The following COL16A1 variants were observed in gnomAD, a reference collection of about 807,000 sequenced individuals.
The protein encoded by COL16A1 is collagen alpha-1(XVI) chain.
In COL16A1, 189 loss-of-function variants were observed where a neutral mutation model predicts 266.3. The ratio of observed to expected loss-of-function variants is 0.71; its 90% CI spans 0.63 to 0.80. The LOEUF is 0.80. Ranked by LOEUF, COL16A1 falls within the 30% of genes least tolerant of loss-of-function variation. The pLI is 0.00. For synonymous variants in COL16A1, 740 were observed against 782.3 expected (o/e 0.95, Z 0.90); for missense variants, 1,928 against 2,122.4 (o/e 0.91, Z 1.80).
rs538838271 is a variant in COL16A1 at position 31,683,766 on chromosome 1, C to T, written c.2338-18G>A. On this transcript the variant is annotated intron_variant, in intron 33 of 70. Coordinates refer to ENST00000373672, the MANE Select transcript of COL16A1 (RefSeq NM_001856.4). ...GGCTCTCCCTGAAGAGGCAGAAGGA[C>T]AGTCCCTGGCTCGAGGTTCCCCAGT... The T allele has an allele frequency of 6.2e-6, 10 of 1,614,076 alleles. No homozygotes were observed. In the East Asian group the frequency reaches 2.2e-4, roughly 36 times the overall value.
chr1:31,670,572 AG>A lies in COL16A1; in HGVS notation c.3195+29del. 7.4e-7 allele frequency: 1 copy of A among 1,357,670 alleles called. No individual in the cohort carries two copies. Among genetic ancestry groups the A allele is most frequent in the Non-Finnish European group, 9.5e-7 (1 of 1,049,816 alleles). The allele number at this position is 1,357,670 out of a possible 1,614,324, so 84.1% of individuals were successfully genotyped here. On this transcript the variant is annotated intron_variant, in intron 49 of 70. Transcript: ENST00000373672. The surrounding 1 kb of genome is among the most constrained non-coding windows in gnomAD (Gnocchi z 4.5). ...CACAGAGACCTGGCTGACGGGGGGG[AG>A]GGGAGGTCGAGCAGCGCTAGGTTCT...
At chr1:31,653,534 G>T in intron 70 of COL16A1, 65 bp downstream of exon 70, 2 of 1,536,976 alleles carry the variant, frequency 1.3e-6, no homozygotes, top group Non-Finnish European at 1.8e-6. Flanking sequence ...TGTCATAGAA[G>T]AAACAGAAAG....
intron 1 of COL16A1, among the ~76,000 whole-genome samples, chr1:31,703,293 T>C (rs936629337): frequency 1.3e-5 from 2 of 152,154 alleles, no homozygotes; most frequent in Non-Finnish European, 2.9e-5. Flanking sequence ...CAATTTTCCT[T>C]CCCTCAATCA....
intron 44 of COL16A1, 152 bp from the exon 45 acceptor site, chr1:31,672,992 C>A (rs549516246): frequency 5.2e-6 from 4 of 768,304 alleles, no homozygotes; most frequent in Non-Finnish European, 8.9e-6. Flanking sequence ...CGCATCCCTG[C>A]GGCAGCTTTG....
rs951311106 is a variant in COL16A1 at position 31,664,848 on chromosome 1, A to T, written c.3555+324T>A. On this transcript the variant is annotated intron_variant, in intron 56 of 70. Transcript: ENST00000373672. This position sits in a 1 kb window ranked among gnomAD's most constrained non-coding sequence, Gnocchi z 5.5. ...ACGAAGGTGGCCTGGGCTGCCTATC[A>T]CATTCTACTCCTCCATCAGACCCCC... Among the ~76,000 whole-genome samples, 1 of 151,902 alleles carries T rather than the reference A, an allele frequency of 6.6e-6. No homozygotes were observed. Among genetic ancestry groups the T allele is most frequent in the African/African-American group, 2.4e-5 (1 of 41,366 alleles).
In COL16A1 at chr1:31,685,907, T is replaced by G; in HGVS notation, c.1885-137A>C. ...GGGTGAGGGGTTATCTTGGGAAAGATGAAGGGAGAACAGGAAAGAAACAAA... is the reference window on the plus strand; with the variant it reads ...GGGTGAGGGGTTATCTTGGGAAAGAGGAAGGGAGAACAGGAAAGAAACAAA... On this transcript the variant is annotated intron_variant, in intron 28 of 70. Coordinates refer to ENST00000373672, the MANE Select transcript of COL16A1 (RefSeq NM_001856.4). This position sits in a 1 kb window ranked among gnomAD's most constrained non-coding sequence, Gnocchi z 4.0. 6.6e-7 allele frequency: 1 copy of G among 1,507,588 alleles called. No individual in the cohort carries two copies. The highest frequency in any genetic ancestry group is 9.0e-7 in the Non-Finnish European group (1 of 1,112,582). 93.4% of individuals were successfully genotyped at this position (1,507,588 alleles called of 1,614,324 possible).
Position 31,662,315 on chromosome 1 carries a change from T to G in COL16A1, c.3681+19A>C. On this transcript the variant is annotated intron_variant, in intron 58 of 70. Coordinates refer to ENST00000373672, the MANE Select transcript of COL16A1 (RefSeq NM_001856.4). Reference sequence around the variant, plus strand: ...AAAGGAGAGGAAGGGGTGCCCGCCCTCCCAGCCCATCATCTCACCCTCAAG... The same window carrying G: ...AAAGGAGAGGAAGGGGTGCCCGCCCGCCCAGCCCATCATCTCACCCTCAAG... The G allele has an allele frequency of 1.6e-6, 2 of 1,252,800 alleles. No individual in the cohort carries two copies. Among genetic ancestry groups the G allele is most frequent in the Non-Finnish European group, 2.3e-6 (2 of 879,378 alleles). The allele number at this position is 1,252,800 out of a possible 1,614,324, so 77.6% of individuals were successfully genotyped here. A position where few individuals can be genotyped will look rare whatever the true frequency, so the allele number is the denominator to read the frequency against.
chr1:31,692,592 A>G lies in COL16A1; in HGVS notation c.1158+6T>C. On this transcript the variant is annotated splice_donor_region_variant and intron_variant, in intron 15 of 70. Coordinates refer to ENST00000373672, the MANE Select transcript of COL16A1 (RefSeq NM_001856.4). ...ATCCCTGCCCTATCCCTGGTCCCAC[A>G]CTCACCAGAGCTCCTGACTCCCCCT... 6.2e-7 allele frequency: 1 copy of G among 1,614,012 alleles called. No homozygotes were observed.
At chr1:31,671,559 G>C (rs994844912) in intron 48 of COL16A1, 56 bp downstream of exon 48, 1 of 1,609,370 alleles carries the variant, frequency 6.2e-7, no homozygotes, top group Non-Finnish European at 8.5e-7. Context: ...TGGTGTCTGA[G>C]TGTAATGACC....
rs1284784100 is a variant in COL16A1, at chr1:31,695,942, G to A, written c.918+146C>T. On this transcript the variant is annotated intron_variant, in intron 9 of 70. Transcript: ENST00000373672. ...CCCCCATCCGTCCTTCTTGATCAGA[G>A]CTGGCACCTACATGTCCTAAGCTCT... The A allele has an allele frequency of 1.3e-5, 13 of 984,364 alleles. No individual in the cohort carries two copies. The South Asian group carries it at 1.6e-4, about 12-fold the overall frequency. 61.0% of individuals were successfully genotyped at this position (984,364 alleles called of 1,614,324 possible).
chr1:31,656,469 T>G lies in COL16A1; in HGVS notation c.4057-25A>C, dbSNP rs1484229795. On this transcript the variant is annotated intron_variant, in intron 65 of 70. Coordinates refer to ENST00000373672, the MANE Select transcript of COL16A1 (RefSeq NM_001856.4). This position sits in a 1 kb window ranked among gnomAD's most constrained non-coding sequence, Gnocchi z 4.2. ...CCTAGAGGAAAGCAAAAGTCAGAGG[T>G]GAAGTCCGGGCAGCATCTCTGAGGC... is the stretch of plus-strand genomic sequence containing the variant. 4 of 1,610,126 alleles carry G rather than the reference T, an allele frequency of 2.5e-6. No individual in the cohort carries two copies. Among genetic ancestry groups the G allele is most frequent in the African/African-American group, 1.3e-5 (1 of 74,808 alleles).
chr1:31,696,341 T>TCCC (rs1557694183), intron 8 of COL16A1, among the ~76,000 whole-genome samples, 200 bp from the exon 9 acceptor site: 187 of 108,942 alleles, frequency 1.7e-3, no homozygotes, highest in African/African-American at 5.5e-3. Flanking sequence ...CACCCACCCA[T>TCCC]GTGATGTCAG....
chr1:31,689,683 T>C (rs2297682), intron 23 of COL16A1, 58 bp downstream of exon 23: 720,398 of 1,367,224 alleles, frequency 0.53, 198,369 homozygotes, highest in African/African-American at 0.75. Flanking sequence ...TATGATCATG[T>C]CCCCAGGTTT....
intron 68 of COL16A1, 39 bp from the exon 69 acceptor site, chr1:31,654,082 T>C (rs1640886966): frequency 6.3e-7 from 1 of 1,582,652 alleles, no homozygotes; most frequent in African/African-American, 1.4e-5. Context: ...GGTCAGAGGG[T>C]CCCCCAGGGA....
intron 44 of COL16A1, 58 bp downstream of exon 44, chr1:31,674,949 G>A: frequency 6.3e-7 from 1 of 1,597,050 alleles, no homozygotes; most frequent in East Asian, 2.2e-5. Context: ...CTTACTAAGA[G>A]AATCCCCTTA....
intron 64 of COL16A1, 55 bp downstream of exon 64, chr1:31,658,433 C>T (rs561301786): frequency 9.1e-5 from 131 of 1,434,994 alleles, no homozygotes; most frequent in Middle Eastern, 5.2e-4. Flanking sequence ...CTCAACAGGC[C>T]TTGAGCCAAT....
At chr1:31,679,763 G>A (rs779665081) in intron 41 of COL16A1, 41 bp downstream of exon 41, 154 of 1,591,696 alleles carry the variant, frequency 9.7e-5, no homozygotes, top group Non-Finnish European at 1.2e-4. Flanking sequence ...GGGTGGACAA[G>A]CCGCGGGGCG....
rs1641292993 is a variant in COL16A1 at position 31,657,717 on chromosome 1, A to G, written c.4021-649T>C. ...GATGGAAAGCATCCTGATGGGTCCC[A>G]GGAGACCTGGGTCCCTGCCTCTGCT... On this transcript the variant is annotated intron_variant, in intron 64 of 70. Transcript: ENST00000373672. The surrounding 1 kb of genome is among the most constrained non-coding windows in gnomAD (Gnocchi z 6.4). Among the ~76,000 whole-genome samples the G allele has an allele frequency of 6.6e-6, 1 of 152,252 alleles. No homozygotes were observed. Among genetic ancestry groups the G allele is most frequent in the African/African-American group, 2.4e-5 (1 of 41,478 alleles).
intron 19 of COL16A1, 71 bp from the exon 20 acceptor site, chr1:31,691,297 C>A: frequency 6.2e-7 from 1 of 1,600,006 alleles, no homozygotes; most frequent in Non-Finnish European, 8.5e-7. Context: ...TCTACCCTCA[C>A]CCTCTCCTCC....
Sources: gnomAD v4.1 joint callset for allele counts (sites outside exome capture counted in the v4.1 genomes callset) on GRCh38, gnomAD v4.1.1 for gene constraint, Gnocchi (gnomAD v3.1) non-coding constraint, MANE v1.5 for transcripts, NCBI Gene and HGNC (gene_info 2026-07-23, HGNC 2026-07-21) for gene names.